Variants in SNTB2 observed in about 807,000 individuals in gnomAD.
SNTB2 encodes the protein syntrophin beta 2.
Under a neutral mutation model 46.2 loss-of-function variants are expected in SNTB2, and 34 were observed. The ratio of observed to expected loss-of-function variants is 0.74; its 90% CI spans 0.56 to 0.98. SNTB2 has a LOEUF of 0.98. SNTB2 is among the 50% of genes least tolerant of loss of function. SNTB2 has a pLI of 0.00. For synonymous variants in SNTB2, 290 were observed against 312.6 expected (o/e 0.93, Z 0.76); for missense variants, 603 against 731.4 (o/e 0.82, Z 2.02).
intron 1 of SNTB2, among the ~76,000 whole-genome samples, chr16:69,230,738 C>G (rs1404218915): frequency 6.7e-6 from 1 of 150,270 alleles, no homozygotes; most frequent in Non-Finnish European, 1.5e-5. Flanking sequence ...CTAACCAACC[C>G]GTTTCTTTCT....
chr16:69,276,807 G>A (rs76053505), intron 4 of SNTB2, among the ~76,000 whole-genome samples: 3,498 of 152,272 alleles, frequency 0.023, 135 homozygotes, highest in African/African-American at 0.08. Flanking sequence ...AATCAAGGCA[G>A]TTGGCACGAA....
At chr16:69,258,372 G>A (rs1409402237) in intron 2 of SNTB2, among the ~76,000 whole-genome samples, 3 of 151,864 alleles carry the variant, frequency 2.0e-5, no homozygotes, top group Non-Finnish European at 4.4e-5. Context: ...ATATTCAATA[G>A]ATTGCTTTAT....
At chr16:69,217,857 G>T (rs1964363358) in intron 1 of SNTB2, among the ~76,000 whole-genome samples, 2 of 152,008 alleles carry the variant, frequency 1.3e-5, no homozygotes, top group Non-Finnish European at 2.9e-5. Context: ...ACTTATCCTG[G>T]TTGAGAGAGC....
chr16:69,199,774 C>A (rs1964142404), intron 1 of SNTB2, among the ~76,000 whole-genome samples: 1 of 151,758 alleles, frequency 6.6e-6, no homozygotes, highest in Non-Finnish European at 1.5e-5. Flanking sequence ...GATTTGCAAT[C>A]TTAATGAAAA....
At chr16:69,226,323 G>A (rs1034359240) in intron 1 of SNTB2, among the ~76,000 whole-genome samples, 3 of 151,566 alleles carry the variant, frequency 2.0e-5, no homozygotes, top group Non-Finnish European at 2.9e-5. Context: ...TGTCTGCCTC[G>A]GCCTCCCCAA....
chr16:69,192,821 G>T (rs2152288556), intron 1 of SNTB2, among the ~76,000 whole-genome samples: 1 of 152,164 alleles, frequency 6.6e-6, no homozygotes, highest in Non-Finnish European at 1.5e-5. Context: ...TGGTGTCATA[G>T]ATTTGCCTTT....
At chr16:69,256,582 C>T (rs966254242) in intron 2 of SNTB2, among the ~76,000 whole-genome samples, 1 of 152,106 alleles carries the variant, frequency 6.6e-6, no homozygotes, top group Non-Finnish European at 1.5e-5. Flanking sequence ...TTTCTTCTTT[C>T]GTGACTGGCT....
chr16:69,251,805 G>A (rs1267931777), intron 2 of SNTB2, among the ~76,000 whole-genome samples: 1 of 152,096 alleles, frequency 6.6e-6, no homozygotes, highest in East Asian at 1.9e-4. Context: ...AAACTGCCAG[G>A]CTGGGCACAG....
Position 69,268,419 on chromosome 16 carries a change from G to A in SNTB2, c.1006-1724G>A, listed in dbSNP as rs149640168. Among the ~76,000 whole-genome samples, 1,177 of 151,904 alleles carry A rather than the reference G, an allele frequency of 7.7e-3. 10 individuals are homozygous for A. Among genetic ancestry groups the A allele is most frequent in the African/African-American group, 0.025 (1,037 of 41,432 alleles). ...GTGGAGGTTGCAGTGAACCAAGATC[G>A]TGACATTGCACTCCAGCCTGGGTGA... On this transcript the variant is annotated intron_variant, in intron 3 of 6. Transcript: ENST00000336278.
chr16:69,219,582 GA>G (rs144618289), intron 1 of SNTB2, among the ~76,000 whole-genome samples: 3,012 of 152,194 alleles, frequency 0.02, 27 homozygotes, highest in Non-Finnish European at 0.026. Context: ...GCAAGAGGGG[GA>G]AAGAAAATAA....
chr16:69,297,983 G>C (rs2078465186), intron 5 of SNTB2, among the ~76,000 whole-genome samples: 1 of 152,146 alleles, frequency 6.6e-6, no homozygotes, highest in Non-Finnish European at 1.5e-5. Flanking sequence ...CTGTCACCCA[G>C]GCTAGAGTGC....
At chr16:69,243,726 C>T (rs1238084838) in intron 1 of SNTB2, among the ~76,000 whole-genome samples, 1 of 152,114 alleles carries the variant, frequency 6.6e-6, no homozygotes, top group African/African-American at 2.4e-5. Context: ...ATGCTTGAGT[C>T]AGCTGCTCAA....
intron 3 of SNTB2, among the ~76,000 whole-genome samples, chr16:69,261,118 CT>C (rs1964830244): frequency 6.6e-6 from 1 of 151,726 alleles, no homozygotes; most frequent in Non-Finnish European, 1.5e-5. Flanking sequence ...TTTTTCACTG[CT>C]TTTGAGTCTT....
At chr16:69,239,427 C>T (rs1964588831) in intron 1 of SNTB2, among the ~76,000 whole-genome samples, 1 of 152,158 alleles carries the variant, frequency 6.6e-6, no homozygotes, top group South Asian at 2.1e-4. Context: ...TAACTGTCAC[C>T]ACAATCAGGA....
chr16:69,287,748 A>T (rs1214292405), intron 5 of SNTB2, among the ~76,000 whole-genome samples: 1 of 151,858 alleles, frequency 6.6e-6, no homozygotes, highest in Non-Finnish European at 1.5e-5. Context: ...AGTCCCAGCT[A>T]CTCGGGATGG....
chr16:69,285,250 C>T (rs1301407798), intron 5 of SNTB2, among the ~76,000 whole-genome samples: 1 of 151,864 alleles, frequency 6.6e-6, no homozygotes, highest in African/African-American at 2.4e-5. Context: ...TAGAAAGAAA[C>T]CTGGTTTCTC....
chr16:69,226,154 C>T (rs547757824), intron 1 of SNTB2, among the ~76,000 whole-genome samples: 90 of 152,234 alleles, frequency 5.9e-4, no homozygotes, highest in African/African-American at 2.1e-3. Flanking sequence ...TCACTGCAAC[C>T]TCTGCTTCCT....
intron 5 of SNTB2, among the ~76,000 whole-genome samples, chr16:69,292,407 T>TA (rs1491560084): frequency 0.075 from 937 of 12,444 alleles, 256 homozygotes; most frequent in African/African-American, 0.5. Context: ...TATATATATA[T>TA]TATATATATA....
At chr16:69,226,261 G>A (rs1297354517) in intron 1 of SNTB2, among the ~76,000 whole-genome samples, 1 of 151,924 alleles carries the variant, frequency 6.6e-6, no homozygotes, top group Non-Finnish European at 1.5e-5. Context: ...TGTAGAGACA[G>A]GGTTTCACTA....
Sources: gnomAD v4.1 joint callset for allele counts (sites outside exome capture counted in the v4.1 genomes callset) on GRCh38, gnomAD v4.1.1 for gene constraint, MANE v1.5 for transcripts, NCBI Gene and HGNC (gene_info 2026-07-23, HGNC 2026-07-21) for gene names.